Variants in GIGYF2 observed in about 807,000 individuals in gnomAD.
GIGYF2 encodes the protein GRB10-interacting GYF protein 2.
A neutral mutation model predicts 208.1 loss-of-function variants in GIGYF2; 25 were observed. The observed-to-expected ratio is 0.12, with a 90% CI of 0.09 to 0.17. The LOEUF (loss-of-function observed/expected upper bound fraction) is 0.17. Among genes scored for constraint, GIGYF2 ranks in the 10% least tolerant of loss-of-function variants. The pLI, the probability that GIGYF2 is intolerant of heterozygous loss-of-function variation, is 1.00. For missense variants in GIGYF2, 1,302 were observed against 1,579.4 expected (o/e 0.82, Z 2.98); for synonymous variants, 534 against 543.8 (o/e 0.98, Z 0.25).
intron 14 of GIGYF2, among the ~76,000 whole-genome samples, chr2:232,801,853 A>G (rs531434303): frequency 6.6e-6 from 1 of 152,342 alleles, no homozygotes; most frequent in South Asian, 2.1e-4. Context: ...TTTAATCTGT[A>G]GGTTGCTTTC....
At chr2:232,798,133 A>G (rs917520443) in intron 14 of GIGYF2, among the ~76,000 whole-genome samples, 1 of 152,012 alleles carries the variant, frequency 6.6e-6, no homozygotes, top group Non-Finnish European at 1.5e-5. Context: ...CCAGCTCTGC[A>G]TTTTGTCATT....
chr2:232,757,955 T>G (rs1362928113), intron 6 of GIGYF2, among the ~76,000 whole-genome samples: 1 of 152,330 alleles, frequency 6.6e-6, no homozygotes, highest in South Asian at 2.1e-4. Flanking sequence ...ATGTGACATA[T>G]GTAAGAAGTC....
chr2:232,854,338 C>G (rs949795429), intron 28 of GIGYF2, among the ~76,000 whole-genome samples: 1 of 152,100 alleles, frequency 6.6e-6, no homozygotes, highest in Non-Finnish European at 1.5e-5. Flanking sequence ...ACAAAAATTA[C>G]AAGAATTACT....
chr2:232,829,024 C>A (rs924924776), intron 21 of GIGYF2, among the ~76,000 whole-genome samples: 1 of 152,056 alleles, frequency 6.6e-6, no homozygotes, highest in Non-Finnish European at 1.5e-5. Context: ...TAATTTTTAT[C>A]TAGTTGTTAT....
chr2:232,838,196 G>A (rs2106416566), intron 22 of GIGYF2, among the ~76,000 whole-genome samples: 1 of 152,146 alleles, frequency 6.6e-6, no homozygotes, highest in East Asian at 1.9e-4. Context: ...ACAGACCTAT[G>A]AAATATAGAG....
At chr2:232,740,131 A>T (rs1386813021) in intron 3 of GIGYF2, among the ~76,000 whole-genome samples, 7 of 151,956 alleles carry the variant, frequency 4.6e-5, no homozygotes, top group African/African-American at 1.7e-4. Flanking sequence ...CAAACGAACG[A>T]ATATTTGGTG....
intron 23 of GIGYF2, 22 bp downstream of exon 23, chr2:232,839,993 G>C: frequency 6.2e-7 from 1 of 1,611,412 alleles, no homozygotes; most frequent in African/African-American, 1.3e-5. Context: ...AAGTAAAAGG[G>C]ATCTAGTCAA....
chr2:232,771,316 C>T (rs1308748448), intron 8 of GIGYF2: 1 of 1,612,064 alleles, frequency 6.2e-7, no homozygotes, highest in Non-Finnish European at 8.5e-7. Context: ...CCTCCGGTAT[C>T]TTTGACTTAG....
chr2:232,721,736 C>T (rs1379444161), intron 2 of GIGYF2, among the ~76,000 whole-genome samples: 1 of 152,158 alleles, frequency 6.6e-6, no homozygotes, highest in African/African-American at 2.4e-5. Context: ...CATCTCTCTT[C>T]CCTTCCTTAT....
rs373919935 is a variant in GIGYF2, at chr2:232,720,836, C to T, written c.-43-14319C>T. 3.3e-5 allele frequency among the ~76,000 whole-genome samples: 5 copies of T among 152,104 alleles called. No individual in the cohort carries two copies. In the East Asian group the frequency reaches 5.8e-4, roughly 18 times the overall value. On this transcript the variant is annotated intron_variant, in intron 2 of 28. Coordinates refer to ENST00000373563, the MANE Select transcript of GIGYF2 (RefSeq NM_001103146.3). ...TTTCGAACTCCTGGCCTCAATCGAT[C>T]TGCCCACCTCAGCCTCCCAAAGTGC...
At chr2:232,843,287 C>T (rs539217025) in intron 23 of GIGYF2, among the ~76,000 whole-genome samples, 1 of 151,882 alleles carries the variant, frequency 6.6e-6, no homozygotes, top group South Asian at 2.1e-4. Context: ...TGGCCAGGCT[C>T]GGTGGCTCAC....
At chr2:232,734,947 A>G (rs1412276432) in intron 2 of GIGYF2, among the ~76,000 whole-genome samples, 3 of 152,196 alleles carry the variant, frequency 2.0e-5, no homozygotes, top group Non-Finnish European at 4.4e-5. Flanking sequence ...AGATTAACAT[A>G]GAAAGGTGGG....
At chr2:232,834,667 G>A (rs755820994) in intron 22 of GIGYF2, among the ~76,000 whole-genome samples, 13 of 152,150 alleles carry the variant, frequency 8.5e-5, no homozygotes, top group Admixed American at 8.5e-4. Flanking sequence ...AGGCACTTGA[G>A]TGATGCTTAT....
chr2:232,852,691 A>G (rs1014049317), intron 28 of GIGYF2, among the ~76,000 whole-genome samples: 4 of 152,180 alleles, frequency 2.6e-5, no homozygotes, highest in Non-Finnish European at 5.9e-5. Flanking sequence ...AAAGTTGATA[A>G]GGATGGATGG....
chr2:232,831,956 T>G (rs1298363570), intron 21 of GIGYF2, among the ~76,000 whole-genome samples: 1 of 151,934 alleles, frequency 6.6e-6, no homozygotes, highest in Middle Eastern at 3.2e-3. Flanking sequence ...AATCTGACAT[T>G]TTAAACCTCT....
intron 22 of GIGYF2, among the ~76,000 whole-genome samples, chr2:232,835,670 T>G (rs1187242524): frequency 6.6e-6 from 1 of 152,142 alleles, no homozygotes; most frequent in Non-Finnish European, 1.5e-5. Context: ...TTTAGTGGAA[T>G]CCAGTTCTCC....
intron 2 of GIGYF2, among the ~76,000 whole-genome samples, chr2:232,717,986 GGAA>G (rs1696766124): frequency 5.3e-5 from 8 of 151,978 alleles, no homozygotes; most frequent in Non-Finnish European, 8.8e-5. Context: ...TCACATAAAA[GGAA>G]TCATACAGTA....
intron 21 of GIGYF2, chr2:232,828,653 G>C (rs1400061898): frequency 6.6e-6 from 1 of 151,982 alleles, no homozygotes; most frequent in Non-Finnish European, 1.5e-5. Context: ...GCAGGGTCTT[G>C]GCTGGTCTGA....
At chr2:232,782,167 A>G (rs373315777) in intron 8 of GIGYF2, among the ~76,000 whole-genome samples, 1 of 152,214 alleles carries the variant, frequency 6.6e-6, no homozygotes, top group South Asian at 2.1e-4. Context: ...AGTAAAACAA[A>G]CAAGCAAACA....
Sources: gnomAD v4.1 joint callset for allele counts (sites outside exome capture counted in the v4.1 genomes callset) on GRCh38, gnomAD v4.1.1 for gene constraint, MANE v1.5 for transcripts, NCBI Gene and HGNC (gene_info 2026-07-23, HGNC 2026-07-21) for gene names.